Variants in FYN observed in about 807,000 individuals in gnomAD.
FYN encodes the protein tyrosine-protein kinase Fyn.
Under a neutral mutation model 70.2 loss-of-function variants are expected in FYN, and 10 were observed. The ratio of observed to expected loss-of-function variants is 0.14; its 90% CI spans 0.09 to 0.24. FYN has a LOEUF of 0.24. Ranked by LOEUF, FYN falls within the 10% of genes least tolerant of loss-of-function variation. The pLI, the probability that FYN is intolerant of heterozygous loss-of-function variation, is 1.00. For missense variants in FYN, 319 were observed against 673.1 expected (o/e 0.47, Z 5.82); for synonymous variants, 236 against 248.6 (o/e 0.95, Z 0.48).
chr6:111,719,830 C>A lies in FYN; in HGVS notation c.222G>T (p.Gly74=). Residue 74 remains glycine, a synonymous_variant, in exon 4 of 14, where the codon GGG becomes GGT. Transcript: ENST00000354650. ...CTGTTCCTCCTCTCGTACGCAAGGT[C>A]CCCGTATGAGACGAAGAGTTCACAC... ...FGGVNSSSHT[G]TLRTRGGTGV... 1 of 1,614,120 alleles carries A rather than the reference C, an allele frequency of 6.2e-7. No individual in the cohort carries two copies. The highest frequency in any genetic ancestry group is 8.5e-7 in the Non-Finnish European group (1 of 1,180,004).
In FYN at chr6:111,843,306, C is replaced by T. The variant is rs537931377; in HGVS notation, c.-82+3283G>A. ...CCTTTTAAATCACTAAATAGGATGA[C>T]TCCATTTAATTAGCTTTTTACACAA... On this transcript the variant is annotated intron_variant, in intron 2 of 13. Transcript: ENST00000354650. Among the ~76,000 whole-genome samples the T allele has an allele frequency of 2.3e-4, 35 of 152,274 alleles. No individual in the cohort carries two copies. In the South Asian group the frequency reaches 6.0e-3, roughly 26 times the overall value.
intron 2 of FYN, among the ~76,000 whole-genome samples, chr6:111,785,217 A>T (rs1391082649): frequency 6.6e-6 from 1 of 152,140 alleles, no homozygotes; most frequent in Non-Finnish European, 1.5e-5. Flanking sequence ...ATACAATTCC[A>T]CTGTCCCAAC....
intron 10 of FYN, 67 bp downstream of exon 10, chr6:111,696,209 TC>T: frequency 7.6e-7 from 1 of 1,318,662 alleles, no homozygotes; most frequent in Non-Finnish European, 1.0e-6. Context: ...GTAGGAAACT[TC>T]CATTTCTCTC....
intron 3 of FYN, among the ~76,000 whole-genome samples, chr6:111,746,373 G>A (rs970907005): frequency 5.9e-5 from 9 of 152,144 alleles, no homozygotes; most frequent in African/African-American, 2.4e-5. Context: ...TTTCTACCAC[G>A]ACAGATTAGT....
At chr6:111,871,517 C>T (rs1484185828) in intron 1 of FYN, among the ~76,000 whole-genome samples, 1 of 152,186 alleles carries the variant, frequency 6.6e-6, no homozygotes. Flanking sequence ...TTATCCACGT[C>T]CCCAGGTATT....
At chr6:111,824,314 T>C (rs923365090) in intron 2 of FYN, among the ~76,000 whole-genome samples, 14 of 152,216 alleles carry the variant, frequency 9.2e-5, no homozygotes, top group African/African-American at 3.4e-4. Flanking sequence ...ACGTGGATGA[T>C]GGTAAATATT....
chr6:111,805,840 C>T (rs1022651), intron 2 of FYN, among the ~76,000 whole-genome samples: 8,924 of 152,172 alleles, frequency 0.059, 317 homozygotes, highest in East Asian at 0.14. Context: ...GAATTACAGG[C>T]CGTGTAAAAG....
At chr6:111,676,035 C>G (rs998393293) in intron 12 of FYN, among the ~76,000 whole-genome samples, 1 of 152,046 alleles carries the variant, frequency 6.6e-6, no homozygotes, top group Admixed American at 6.5e-5. Context: ...CATACAAAGG[C>G]TGACAAAATC....
chr6:111,794,087 C>G (rs1771726681), intron 2 of FYN, among the ~76,000 whole-genome samples: 1 of 152,190 alleles, frequency 6.6e-6, no homozygotes, highest in Non-Finnish European at 1.5e-5. Context: ...CGGGGCAGGG[C>G]CCCTGCCACT....
At chr6:111,868,853 G>A (rs1441668679) in intron 1 of FYN, among the ~76,000 whole-genome samples, 14 of 152,120 alleles carry the variant, frequency 9.2e-5, no homozygotes, top group Non-Finnish European at 1.9e-4. Context: ...TTATTGTTAA[G>A]ATCGGAGCTT....
chr6:111,778,995 C>T (rs551018331), intron 3 of FYN, among the ~76,000 whole-genome samples: 14 of 152,062 alleles, frequency 9.2e-5, no homozygotes, highest in Non-Finnish European at 2.1e-4. Flanking sequence ...CTATATACCC[C>T]CTCCTCACAA....
chr6:111,677,543 T>C (rs75139630), intron 12 of FYN, among the ~76,000 whole-genome samples: 4,254 of 152,266 alleles, frequency 0.028, 89 homozygotes, highest in Non-Finnish European at 0.04. Flanking sequence ...CAGTGTAAAA[T>C]CCCAGTCTAT....
intron 1 of FYN, among the ~76,000 whole-genome samples, chr6:111,852,182 T>C (rs184730835): frequency 6.6e-6 from 1 of 152,332 alleles, no homozygotes; most frequent in East Asian, 1.9e-4. Context: ...AATCCAAATG[T>C]ATTCAGATAT....
At chr6:111,834,621 C>A (rs1051062264) in intron 2 of FYN, among the ~76,000 whole-genome samples, 8 of 152,178 alleles carry the variant, frequency 5.3e-5, no homozygotes, top group Non-Finnish European at 1.2e-4. Context: ...GTGGTGCCAA[C>A]CTTGCTGCAA....
At chr6:111,818,549 T>C (rs1262751067) in intron 2 of FYN, 3 of 152,282 alleles carry the variant, frequency 2.0e-5, no homozygotes, top group South Asian at 4.1e-4. Flanking sequence ...GCCAGCCTGG[T>C]GGACTGTGCT....
At chr6:111,775,433 T>A (rs1725603876) in intron 3 of FYN, among the ~76,000 whole-genome samples, 1 of 152,158 alleles carries the variant, frequency 6.6e-6, no homozygotes, top group Admixed American at 6.5e-5. Flanking sequence ...ACAATGACTG[T>A]GGAAATTACT....
chr6:111,661,715 G>A lies in FYN; in HGVS notation c.*24C>T, dbSNP rs778851160. On this transcript the variant is annotated 3_prime_UTR_variant, in exon 14 of 14. Coordinates refer to ENST00000354650, the MANE Select transcript of FYN (RefSeq NM_002037.5). This position sits in a 1 kb window ranked among gnomAD's most constrained non-coding sequence, Gnocchi z 4.0. ...AGGGGTGGGGCAGCCTCTGGGACAAGGCCTCTCTCCGCAGACCCGGGCCTT... is the reference window on the plus strand; with the variant it reads ...AGGGGTGGGGCAGCCTCTGGGACAAAGCCTCTCTCCGCAGACCCGGGCCTT... 3 of 1,603,102 alleles carry A rather than the reference G, an allele frequency of 1.9e-6. No individual in the cohort carries two copies. Among genetic ancestry groups the A allele is most frequent in the Non-Finnish European group, 2.6e-6 (3 of 1,172,670 alleles).
At chr6:111,818,877 G>C (rs977192295) in intron 2 of FYN, 1 of 152,174 alleles carries the variant, frequency 6.6e-6, no homozygotes, top group Admixed American at 6.5e-5. Flanking sequence ...CTCCTCTTGA[G>C]TCCATCAGCT....
chr6:111,790,254 ACAC>A (rs1771564804), intron 2 of FYN, among the ~76,000 whole-genome samples: 1 of 58,100 alleles, frequency 1.7e-5, no homozygotes, highest in Non-Finnish European at 3.5e-5. Flanking sequence ...AGATACACAC[ACAC>A]ACACACACAC....
Sources: allele counts gnomAD v4.1 joint callset (sites outside exome capture counted in the v4.1 genomes callset), GRCh38; gene constraint gnomAD v4.1.1; non-coding constraint Gnocchi (gnomAD v3.1); transcripts MANE v1.5; gene names NCBI Gene and HGNC (gene_info 2026-07-23, HGNC 2026-07-21).